The following GRID1 variants were observed in gnomAD, a reference collection of about 807,000 sequenced individuals.
The protein encoded by GRID1 is glutamate receptor ionotropic, delta-1.
GRID1 carries 28 observed loss-of-function variants against 98.0 expected under a neutral mutation model. The ratio of observed to expected loss-of-function variants is 0.29; its 90% CI spans 0.21 to 0.39. The LOEUF (loss-of-function observed/expected upper bound fraction) is 0.39. Ranked by LOEUF, GRID1 falls within the 10% of genes least tolerant of loss-of-function variation. The pLI is 1.00. For synonymous variants in GRID1, 553 were observed against 538.5 expected (o/e 1.03, Z -0.37); for missense variants, 1,111 against 1,340.5 (o/e 0.83, Z 2.67).
chr10:85,687,440 T>C (rs890247780), intron 12 of GRID1, among the ~76,000 whole-genome samples: 2 of 152,032 alleles, frequency 1.3e-5, no homozygotes, highest in South Asian at 2.1e-4. Context: ...TTTGAATTTG[T>C]ATGGTAAGAA....
At chr10:86,258,168 G>A (rs930022180) in intron 2 of GRID1, among the ~76,000 whole-genome samples, 4 of 152,156 alleles carry the variant, frequency 2.6e-5, no homozygotes, top group Non-Finnish European at 5.9e-5. Flanking sequence ...AAAATTTCAT[G>A]AGAATAGCCA....
intron 2 of GRID1, among the ~76,000 whole-genome samples, chr10:86,225,877 ACC>A (rs1846334090): frequency 6.6e-6 from 1 of 152,198 alleles, no homozygotes; most frequent in Admixed American, 6.5e-5. Context: ...TATTACAGCA[ACC>A]ATGACATCAC....
intron 4 of GRID1, among the ~76,000 whole-genome samples, chr10:86,089,854 C>T (rs1844119498): frequency 6.6e-6 from 1 of 151,850 alleles, no homozygotes; most frequent in African/African-American, 2.4e-5. Context: ...TCAAGTGATT[C>T]TCCTGCCTCA....
At chr10:85,983,256 T>C (rs1168454922) in intron 4 of GRID1, among the ~76,000 whole-genome samples, 1 of 152,186 alleles carries the variant, frequency 6.6e-6, no homozygotes, top group Admixed American at 6.5e-5. Flanking sequence ...TGGTTGGCCC[T>C]GGACCTGGTA....
At chr10:86,284,727 G>A (rs1257958204) in intron 2 of GRID1, among the ~76,000 whole-genome samples, 2 of 152,250 alleles carry the variant, frequency 1.3e-5, no homozygotes, top group Admixed American at 6.5e-5. Context: ...AGTAAACGTG[G>A]ATGCTGTGGG....
chr10:86,038,700 C>A (rs1843304130), intron 4 of GRID1, among the ~76,000 whole-genome samples: 1 of 152,234 alleles, frequency 6.6e-6, no homozygotes, highest in African/African-American at 2.4e-5. Flanking sequence ...GGCAGACAAA[C>A]CTCTACTTCC....
intron 15 of GRID1, among the ~76,000 whole-genome samples, chr10:85,608,333 G>C (rs1238320441): frequency 1.3e-5 from 2 of 152,096 alleles, no homozygotes; most frequent in East Asian, 3.9e-4. Flanking sequence ...TGACCCTTTG[G>C]GAAACAGGGC....
At chr10:85,682,810 C>T (rs1841225615) in intron 12 of GRID1, among the ~76,000 whole-genome samples, 1 of 152,202 alleles carries the variant, frequency 6.6e-6, no homozygotes, top group African/African-American at 2.4e-5. Flanking sequence ...TGCAGCCAAG[C>T]TCCTGGAATG....
At chr10:86,057,086 C>T (rs140221268) in intron 4 of GRID1, among the ~76,000 whole-genome samples, 1 of 152,200 alleles carries the variant, frequency 6.6e-6, no homozygotes, top group Non-Finnish European at 1.5e-5. Context: ...TCCTGGCCCT[C>T]GAGAACCCTC....
At chr10:85,968,617 T>C (rs536582019) in intron 4 of GRID1, among the ~76,000 whole-genome samples, 1 of 152,236 alleles carries the variant, frequency 6.6e-6, no homozygotes, top group South Asian at 2.1e-4. Context: ...TAAAATTATC[T>C]ACCATTAATC....
intron 8 of GRID1, among the ~76,000 whole-genome samples, chr10:85,777,190 A>C (rs1168094417): frequency 1.3e-5 from 2 of 152,170 alleles, no homozygotes. Context: ...TGGGCATCTA[A>C]ATCAGGGAGG....
intron 8 of GRID1, among the ~76,000 whole-genome samples, chr10:85,780,673 A>G (rs564497933): frequency 2.4e-4 from 36 of 152,178 alleles, no homozygotes; most frequent in Middle Eastern, 3.4e-3. Context: ...CTTCCTGAAC[A>G]CCCAGCCTGG....
chr10:85,719,306 C>T (rs751536467), intron 12 of GRID1, among the ~76,000 whole-genome samples: 26 of 152,218 alleles, frequency 1.7e-4, no homozygotes, highest in Non-Finnish European at 2.9e-4. Context: ...CTGCCTGTTA[C>T]CCAATTCCAA....
At chr10:86,108,118 G>A (rs556132456) in intron 4 of GRID1, among the ~76,000 whole-genome samples, 60 of 152,328 alleles carry the variant, frequency 3.9e-4, no homozygotes, top group Admixed American at 3.5e-3. Context: ...TTCAGGAGCT[G>A]TAAACATTCA....
intron 4 of GRID1, among the ~76,000 whole-genome samples, chr10:86,056,494 C>T (rs934889249): frequency 1.3e-5 from 2 of 152,100 alleles, no homozygotes; most frequent in African/African-American, 4.8e-5. Context: ...GTTCCAGAAG[C>T]CAGAACTCTT....
Position 86,056,812 on chromosome 10 carries a change from C to G in GRID1, c.726+82007G>C, listed in dbSNP as rs1009346782. ...GTTGCCCATACATATGGCAGCCTGGCAGGCCCTTCCAAGGGCTTGAAAACC... is the reference window on the plus strand; with the variant it reads ...GTTGCCCATACATATGGCAGCCTGGGAGGCCCTTCCAAGGGCTTGAAAACC... On this transcript the variant is annotated intron_variant, in intron 4 of 15. Transcript: ENST00000327946. Among the ~76,000 whole-genome samples, 6 of 152,180 alleles carry G rather than the reference C, an allele frequency of 3.9e-5. No individual in the cohort carries two copies. The South Asian group carries it at 1.2e-3, about 32-fold the overall frequency.
intron 13 of GRID1, among the ~76,000 whole-genome samples, chr10:85,632,385 C>A (rs1842985584): frequency 6.6e-6 from 1 of 152,146 alleles, no homozygotes; most frequent in Admixed American, 6.5e-5. Context: ...ATTCAGAAGC[C>A]ATAAGGATCA....
chr10:86,357,078 A>C (rs917216853), intron 2 of GRID1, among the ~76,000 whole-genome samples: 1 of 152,218 alleles, frequency 6.6e-6, no homozygotes, highest in Non-Finnish European at 1.5e-5. Flanking sequence ...AAATTGTCAA[A>C]GTACTCATGT....
intron 8 of GRID1, among the ~76,000 whole-genome samples, chr10:85,826,161 T>A (rs1317063122): frequency 6.6e-6 from 1 of 151,264 alleles, no homozygotes; most frequent in African/African-American, 2.4e-5. Flanking sequence ...ACCACCCTCA[T>A]CTCTACTAAA....
Sources: allele counts gnomAD v4.1 joint callset (sites outside exome capture counted in the v4.1 genomes callset), GRCh38; gene constraint gnomAD v4.1.1; transcripts MANE v1.5; gene names NCBI Gene and HGNC (gene_info 2026-07-23, HGNC 2026-07-21).